Variants in DCAF6 observed in about 807,000 individuals in gnomAD.
DCAF6 encodes the protein DDB1- and CUL4-associated factor 6.
Under a neutral mutation model 125.1 loss-of-function variants are expected in DCAF6, and 54 were observed. That is an observed-to-expected ratio of 0.43 (90% CI 0.35 to 0.54). The LOEUF (loss-of-function observed/expected upper bound fraction) is 0.54. Among genes scored for constraint, DCAF6 ranks in the 20% least tolerant of loss-of-function variants. The pLI is 0.01. For synonymous variants in DCAF6, 371 were observed against 390.4 expected (o/e 0.95, Z 0.58); for missense variants, 934 against 1,161.7 (o/e 0.80, Z 2.85).
chr1:167,880,534 C>G, the DCAF6 span: 2 of 1,614,158 alleles, frequency 1.2e-6, no homozygotes, highest in Non-Finnish European at 1.7e-6. Context: ...ATATCCATAG[C>G]ACATTCCAGA....
At chr1:168,061,745 T>C (rs1350134254) in intron 17 of DCAF6, among the ~76,000 whole-genome samples, 1 of 152,168 alleles carries the variant, frequency 6.6e-6, no homozygotes, top group African/African-American at 2.4e-5. Flanking sequence ...CTTATATTAC[T>C]TAATTTCTCT....
At position 168,036,359 on chromosome 1, in the gene DCAF6, C is replaced by T. The variant is rs980780209; in HGVS notation, c.1610-2012C>T. 2.0e-5 allele frequency among the ~76,000 whole-genome samples: 3 copies of T among 152,310 alleles called. No homozygotes were observed. In the South Asian group the frequency reaches 6.2e-4, roughly 32 times the overall value. ...AGTCTTAACTATAACCAAGGTGGAT[C>T]TGAGAAATTCAGTCTTACACTTCTC... is the stretch of plus-strand genomic sequence containing the variant. On this transcript the variant is annotated intron_variant, in intron 12 of 21. Transcript: ENST00000367840.
At position 167,938,446 on chromosome 1, in the gene DCAF6, CTTT is replaced by C. The variant is rs1355369415; in HGVS notation, c.97+1439_97+1441del. On this transcript the variant is annotated intron_variant, in intron 1 of 21. Transcript: ENST00000367840. Reference sequence around the variant, plus strand: ...TACCATAGGGTACTCAACCTTTCTTCTTTAAGTAGACGTTCGCCCTTACAGCAT... The same window carrying C: ...TACCATAGGGTACTCAACCTTTCTTCAAGTAGACGTTCGCCCTTACAGCAT... Among the ~76,000 whole-genome samples the C allele has an allele frequency of 2.0e-5, 3 of 152,318 alleles. No individual in the cohort carries two copies. In the East Asian group the frequency reaches 5.8e-4, roughly 29 times the overall value.
chr1:167,969,767 T>C (rs1056226967), intron 3 of DCAF6, among the ~76,000 whole-genome samples: 28 of 152,158 alleles, frequency 1.8e-4, no homozygotes, highest in African/African-American at 6.5e-4. Context: ...GGTAACACTT[T>C]TCATTTTATT....
At chr1:167,920,621 C>T in the DCAF6 span, 21 of 1,613,412 alleles carry the variant, frequency 1.3e-5, no homozygotes, top group South Asian at 1.9e-4. Flanking sequence ...CAATCCAGCA[C>T]ACACCAACCC....
intron 4 of DCAF6, among the ~76,000 whole-genome samples, chr1:167,986,591 C>T (rs1680040018): frequency 6.6e-6 from 1 of 152,160 alleles, no homozygotes; most frequent in Admixed American, 6.6e-5. Context: ...ACTGTTATAC[C>T]TCAGATCACC....
At chr1:167,936,634 C>G, upstream of DCAF6, 1 of 381,318 alleles carries the variant, frequency 2.6e-6, no homozygotes, top group Non-Finnish European at 4.8e-6. Context: ...TCCGCCTCCG[C>G]CTCCTCCTGT....
At chr1:167,997,728 G>C (rs755942571) in intron 7 of DCAF6, among the ~76,000 whole-genome samples, 1 of 152,160 alleles carries the variant, frequency 6.6e-6, no homozygotes, top group South Asian at 2.1e-4. Flanking sequence ...ATGTTTTGCA[G>C]ATCATGTGTC....
intron 14 of DCAF6, 24 bp downstream of exon 14, chr1:168,043,164 T>C: frequency 6.4e-7 from 1 of 1,551,458 alleles, no homozygotes; most frequent in South Asian, 1.1e-5. Flanking sequence ...TTGCTTTTGT[T>C]GTTATAAAAT....
upstream of DCAF6, among the ~76,000 whole-genome samples, chr1:167,933,842 T>C (rs1670984429): frequency 1.3e-5 from 2 of 152,252 alleles, no homozygotes; most frequent in African/African-American, 2.4e-5. Flanking sequence ...CCTTACTCTG[T>C]ATGTTGCTCA....
At chr1:168,046,570 C>T (rs1044324241) in intron 16 of DCAF6, among the ~76,000 whole-genome samples, 1 of 152,098 alleles carries the variant, frequency 6.6e-6, no homozygotes, top group Non-Finnish European at 1.5e-5. Context: ...AGAGATTAAT[C>T]AAACATCTTC....
At chr1:167,915,716 G>A in the DCAF6 span, among the ~76,000 whole-genome samples, 3 of 152,132 alleles carry the variant, frequency 2.0e-5, no homozygotes, top group African/African-American at 7.2e-5. Flanking sequence ...CTCTCAAAGT[G>A]CTGGGATTTC....
chr1:167,979,296 A>G (rs1333999594), intron 4 of DCAF6, among the ~76,000 whole-genome samples: 1 of 152,174 alleles, frequency 6.6e-6, no homozygotes, highest in African/African-American at 2.4e-5. Flanking sequence ...GTTTTTTGCC[A>G]AATACATATA....
intron 1 of DCAF6, among the ~76,000 whole-genome samples, chr1:167,938,876 T>G (rs575321133): frequency 3.3e-5 from 5 of 152,262 alleles, no homozygotes; most frequent in African/African-American, 1.2e-4. Flanking sequence ...ATGGAATTTG[T>G]GTATTGGGTC....
In DCAF6 at chr1:168,019,759, A is replaced by AT. The variant is rs150013434; in HGVS notation, c.1550-3224dup. On this transcript the variant is annotated intron_variant, in intron 11 of 21. Transcript: ENST00000367840. ...AAAAGGGTGTAAAACATTGGTGATT[A>AT]TTTTTGAAAAAGGGCTTTTCAAAAC... The AT allele has an allele frequency of 9.9e-3, 1,739 of 176,438 alleles. 29 individuals are homozygous for AT. Among genetic ancestry groups the AT allele is most frequent in the African/African-American group, 0.037 (1,577 of 42,484 alleles). The allele number at this position is 176,438 out of a possible 1,614,324, so 10.9% of individuals were successfully genotyped here. A position where few individuals can be genotyped will look rare whatever the true frequency, so the allele number is the denominator to read the frequency against.
chr1:168,037,307 T>C (rs945413367), intron 12 of DCAF6, among the ~76,000 whole-genome samples: 12 of 152,150 alleles, frequency 7.9e-5, no homozygotes, highest in African/African-American at 2.7e-4. Context: ...GTATATTTGC[T>C]TTTATGAAAT....
At chr1:167,902,342 C>T in the DCAF6 span, among the ~76,000 whole-genome samples, 1 of 152,110 alleles carries the variant, frequency 6.6e-6, no homozygotes, top group South Asian at 2.1e-4. Flanking sequence ...GACAGCTGCC[C>T]TCCTCCCACG....
At chr1:167,875,097 A>C in the DCAF6 span, 3 of 1,587,682 alleles carry the variant, frequency 1.9e-6, no homozygotes, top group Middle Eastern at 1.7e-4. Context: ...TTTTAGTTCA[A>C]TAAAGAAGTT....
intron 11 of DCAF6, among the ~76,000 whole-genome samples, chr1:168,022,122 A>C (rs1478080295): frequency 2.6e-5 from 4 of 151,910 alleles, no homozygotes; most frequent in Admixed American, 6.6e-5. Context: ...AATGTTGCTA[A>C]TTACTGTCAG....
Sources: allele counts gnomAD v4.1 joint callset (sites outside exome capture counted in the v4.1 genomes callset), GRCh38; gene constraint gnomAD v4.1.1; transcripts MANE v1.5; gene names NCBI Gene and HGNC (gene_info 2026-07-23, HGNC 2026-07-21).